The following ADAMTSL1 variants were observed in gnomAD, a reference collection of about 807,000 sequenced individuals.
ADAMTSL1 encodes the protein ADAMTS-like protein 1.
In ADAMTSL1, 126 loss-of-function variants were observed where a neutral mutation model predicts 201.8. That is an observed-to-expected ratio of 0.62 (90% CI 0.54 to 0.72). The LOEUF (loss-of-function observed/expected upper bound fraction) is 0.72, where lower values mean the gene tolerates loss of function less well. ADAMTSL1 is among the 30% of genes least tolerant of loss of function. The pLI is 0.00. For missense variants in ADAMTSL1, 2,679 were observed against 2,277.8 expected (o/e 1.18, Z -3.59); for synonymous variants, 1,121 against 903.4 (o/e 1.24, Z -4.32).
At chr9:18,583,096 C>G (rs975998230) in intron 4 of ADAMTSL1, among the ~76,000 whole-genome samples, 1 of 152,100 alleles carries the variant, frequency 6.6e-6, no homozygotes, top group African/African-American at 2.4e-5. Context: ...TGGGCTAATA[C>G]AGTAAATTGG....
At chr9:18,301,971 C>A (rs903237155) in intron 2 of ADAMTSL1, among the ~76,000 whole-genome samples, 1 of 152,194 alleles carries the variant, frequency 6.6e-6, no homozygotes, top group Non-Finnish European at 1.5e-5. Flanking sequence ...GCACCTCAGA[C>A]ACATGATCAT....
At chr9:18,512,231 A>AG (rs572671540) in intron 2 of ADAMTSL1, among the ~76,000 whole-genome samples, 90 of 152,266 alleles carry the variant, frequency 5.9e-4, no homozygotes, top group South Asian at 5.4e-3. Flanking sequence ...CATATATCTT[A>AG]GGGGGGTGTA....
chr9:18,027,462 C>G (rs1439497943), intron 1 of ADAMTSL1, among the ~76,000 whole-genome samples: 2 of 150,914 alleles, frequency 1.3e-5, no homozygotes, highest in Non-Finnish European at 3.0e-5. Context: ...GCCTTAACTT[C>G]ATTGTTTACC....
At position 18,695,568 on chromosome 9, in the gene ADAMTSL1, T is replaced by C. The variant is rs1011512394; in HGVS notation, c.1574+10768T>C. ...TTCTTCCACCAGTTACCCTAAATTA[T>C]CACTTTCAAGTTCAAGGTTCAAGGT... On this transcript the variant is annotated intron_variant, in intron 13 of 28. Coordinates refer to ENST00000380548, the MANE Select transcript of ADAMTSL1 (RefSeq NM_001040272.6). Among the ~76,000 whole-genome samples, 2 of 152,206 alleles carry C rather than the reference T, an allele frequency of 1.3e-5. 1 individual carries two copies. Among genetic ancestry groups the C allele is most frequent in the African/African-American group, 4.8e-5 (2 of 41,462 alleles).
At chr9:18,759,004 GA>G (rs1288930112) in intron 16 of ADAMTSL1, among the ~76,000 whole-genome samples, 1 of 152,004 alleles carries the variant, frequency 6.6e-6, no homozygotes, top group Non-Finnish European at 1.5e-5. Flanking sequence ...AGGAATTAAA[GA>G]AAAAAGGTGC....
intron 2 of ADAMTSL1, among the ~76,000 whole-genome samples, chr9:18,279,315 A>T (rs1026671591): frequency 3.4e-5 from 5 of 147,298 alleles, no homozygotes; most frequent in South Asian, 2.1e-4. Flanking sequence ...ATTTGGTTTT[A>T]AAAAAAAAAT....
At chr9:18,746,761 G>C (rs191345227) in intron 15 of ADAMTSL1, among the ~76,000 whole-genome samples, 58 of 136,068 alleles carry the variant, frequency 4.3e-4, no homozygotes, top group Non-Finnish European at 6.2e-4. Flanking sequence ...ATGAGCCCTT[G>C]TCCAAAGGAA....
intron 2 of ADAMTSL1, among the ~76,000 whole-genome samples, chr9:18,394,961 G>A (rs932664901): frequency 6.6e-6 from 1 of 152,212 alleles, no homozygotes; most frequent in African/African-American, 2.4e-5. Context: ...GTTTCATAAA[G>A]TGTTAAGAGA....
chr9:18,242,151 G>T (rs923318520), intron 2 of ADAMTSL1, among the ~76,000 whole-genome samples: 2 of 152,068 alleles, frequency 1.3e-5, no homozygotes, highest in African/African-American at 4.8e-5. Flanking sequence ...ACATCAAAAA[G>T]ATTTCATATC....
chr9:18,459,496 G>A (rs774980403), intron 2 of ADAMTSL1, among the ~76,000 whole-genome samples: 1 of 152,038 alleles, frequency 6.6e-6, no homozygotes, highest in African/African-American at 2.4e-5. Context: ...GAATAGTCAA[G>A]CTTTGTTCTA....
At chr9:18,414,022 C>G (rs1321493464) in intron 2 of ADAMTSL1, among the ~76,000 whole-genome samples, 2 of 152,160 alleles carry the variant, frequency 1.3e-5, no homozygotes, top group Non-Finnish European at 2.9e-5. Flanking sequence ...AGCAAAGGGA[C>G]TTGCCAGTTG....
At chr9:18,543,998 G>A (rs1587514687) in intron 3 of ADAMTSL1, among the ~76,000 whole-genome samples, 2 of 151,970 alleles carry the variant, frequency 1.3e-5, no homozygotes, top group African/African-American at 2.4e-5. Flanking sequence ...GACTCTCTCG[G>A]GAGGGTTCTG....
chr9:18,738,396 G>A (rs1818639207), intron 15 of ADAMTSL1, among the ~76,000 whole-genome samples: 1 of 152,116 alleles, frequency 6.6e-6, no homozygotes. Flanking sequence ...GAGGGTAAGG[G>A]GTCAACTAGA....
At chr9:17,984,818 G>A (rs13284643) in intron 1 of ADAMTSL1, among the ~76,000 whole-genome samples, 43 of 152,100 alleles carry the variant, frequency 2.8e-4, no homozygotes, top group African/African-American at 1.0e-3. Flanking sequence ...CTCTGATTTA[G>A]GCTTTTCCTC....
At position 18,358,750 on chromosome 9, in the gene ADAMTSL1, G is replaced by A. The variant is rs560790094; in HGVS notation, c.208-146079G>A. ...AAATAGTGTTCTATTTTATGCATAT[G>A]CCATATTTGTTTTTCCATTCATTGT... On this transcript the variant is annotated intron_variant, in intron 2 of 29. Transcript: ENST00000680146. Among the ~76,000 whole-genome samples the A allele has an allele frequency of 4.3e-4, 66 of 152,194 alleles. No homozygotes were observed. In the South Asian group the frequency reaches 0.012, roughly 28 times the overall value.
intron 3 of ADAMTSL1, among the ~76,000 whole-genome samples, chr9:18,544,003 G>T (rs1007536960): frequency 2.0e-5 from 3 of 152,090 alleles, no homozygotes; most frequent in Non-Finnish European, 2.9e-5. Flanking sequence ...TCTCGGGAGG[G>T]TTCTGGTATG....
upstream of ADAMTSL1, among the ~76,000 whole-genome samples, chr9:18,470,394 C>T (rs1016158221): frequency 1.3e-5 from 2 of 152,010 alleles, no homozygotes; most frequent in African/African-American, 4.8e-5. Flanking sequence ...AGTCTGCTTC[C>T]TATACTTTTA....
intron 2 of ADAMTSL1, among the ~76,000 whole-genome samples, chr9:18,438,994 T>A (rs1281107733): frequency 6.6e-6 from 1 of 151,092 alleles, no homozygotes; most frequent in Non-Finnish European, 1.5e-5. Context: ...TTGACAGGTT[T>A]TTTTTTTTTT....
chr9:17,927,093 AC>A (rs1227621867), intron 1 of ADAMTSL1, among the ~76,000 whole-genome samples: 11 of 152,130 alleles, frequency 7.2e-5, no homozygotes, highest in African/African-American at 2.2e-4. Context: ...CAACCACCAT[AC>A]TATGTTCTGT....
Sources: gnomAD v4.1 joint callset for allele counts (sites outside exome capture counted in the v4.1 genomes callset) on GRCh38, gnomAD v4.1.1 for gene constraint, MANE v1.5 for transcripts, NCBI Gene and HGNC (gene_info 2026-07-23, HGNC 2026-07-21) for gene names.